The following GCSAM variants were observed in gnomAD, a reference collection of about 807,000 sequenced individuals.
GCSAM encodes the protein germinal center associated signaling and motility.
GCSAM carries 8 observed loss-of-function variants against 17.6 expected under a neutral mutation model. That is an observed-to-expected ratio of 0.46 (90% CI 0.27 to 0.82). The LOEUF (loss-of-function observed/expected upper bound fraction) is 0.82, where lower values mean the gene tolerates loss of function less well. Ranked by LOEUF, GCSAM falls within the 40% of genes least tolerant of loss-of-function variation. GCSAM has a pLI of 0.15. For synonymous variants in GCSAM, 68 were observed against 69.0 expected (o/e 0.98, Z 0.07); for missense variants, 192 against 213.5 (o/e 0.90, Z 0.63).
Position 112,133,142 on chromosome 3 carries a change from T to A in GCSAM, c.-22A>T. The stretch of plus-strand genomic sequence containing the variant: ...CCATCCTCTCAGTCCTCTCAGGGCT[T>A]CCCCTCCGTCCCTTTACCACTTCCT... On this transcript the variant is annotated 5_prime_UTR_variant, in exon 1 of 6. Coordinates refer to ENST00000308910, the MANE Select transcript of GCSAM (RefSeq NM_152785.5). The A allele has an allele frequency of 6.2e-7, 1 of 1,613,590 alleles. No individual in the cohort carries two copies. Among genetic ancestry groups the A allele is most frequent in the South Asian group, 1.1e-5 (1 of 91,072 alleles).
chr3:112,130,074 C>G (rs977269931), intron 2 of GCSAM: 55 of 202,616 alleles, frequency 2.7e-4, no homozygotes, highest in Admixed American at 2.6e-3. Flanking sequence ...CATGTGGTCA[C>G]TTCAGAAATA....
At position 112,133,064 on chromosome 3, in the gene GCSAM, T is replaced by C. The variant is rs768935212; in HGVS notation, c.29+28A>G. 8.7e-6 allele frequency: 14 copies of C among 1,610,824 alleles called. No homozygotes were observed. The East Asian group carries it at 3.1e-4, about 36-fold the overall frequency. On this transcript the variant is annotated intron_variant, in intron 1 of 5. Transcript: ENST00000308910. ...CTGTATTGTCCTGTCCCATCTCCTC[T>C]GCTCTCCCACAGGGAGTCTAGACTT...
At chr3:112,125,172 G>A (rs1458249190) in intron 5 of GCSAM, 54 bp downstream of exon 5, 14 of 1,135,562 alleles carry the variant, frequency 1.2e-5, no homozygotes, top group Non-Finnish European at 1.7e-5. Context: ...GCCATTTAGG[G>A]TGTCTGTACT....
chr3:112,131,707 A>C (rs1023332746), intron 1 of GCSAM, among the ~76,000 whole-genome samples: 3 of 152,192 alleles, frequency 2.0e-5, no homozygotes, highest in African/African-American at 4.8e-5. Context: ...TTTACATCTG[A>C]CACCATATAT....
Position 112,123,630 on chromosome 3 carries a change from A to G in GCSAM, c.362T>C (p.Leu121Ser). The G allele has an allele frequency of 6.2e-7, 1 of 1,614,136 alleles. No individual in the cohort carries two copies. The highest frequency in any genetic ancestry group is 8.5e-7 in the Non-Finnish European group (1 of 1,180,014). ...PCKAERPRES[L>S]GGTETEYSLL... ...TGAATACTCAGTCTCAGTTCCTCCCAAGGACTCTCTGGGTCTCTCAGCTTT... is the reference window on the plus strand; with the variant it reads ...TGAATACTCAGTCTCAGTTCCTCCCGAGGACTCTCTGGGTCTCTCAGCTTT... Residue 121 changes from leucine to serine, a missense_variant, in exon 6 of 6, where the codon TTG (leucine) becomes TCG (serine). Transcript: ENST00000308910.
chr3:112,131,854 A>C (rs2074460830), intron 1 of GCSAM, among the ~76,000 whole-genome samples: 1 of 152,328 alleles, frequency 6.6e-6, no homozygotes, highest in Admixed American at 6.5e-5. Context: ...TTAAAATCGA[A>C]TTTTCTTTAA....
chr3:112,131,234 C>T (rs1309717868), intron 1 of GCSAM, among the ~76,000 whole-genome samples: 2 of 152,082 alleles, frequency 1.3e-5, no homozygotes, highest in Non-Finnish European at 1.5e-5. Context: ...TCTGAGGATC[C>T]ACAGCCACTA....
At chr3:112,128,148 G>A (rs761649905) in intron 2 of GCSAM, 87 bp from the exon 3 acceptor site, 2 of 1,288,372 alleles carry the variant, frequency 1.6e-6, no homozygotes, top group Non-Finnish European at 2.3e-6. Context: ...CATTTCTGTG[G>A]AAAACTTTTT....
At chr3:112,130,584 T>C in intron 1 of GCSAM, 71 bp from the exon 2 acceptor site, 3 of 1,356,088 alleles carry the variant, frequency 2.2e-6, no homozygotes, top group Non-Finnish European at 2.1e-6. Context: ...TCATAATTTT[T>C]CCGACTTTCC....
At chr3:112,131,249 G>C (rs942713551) in intron 1 of GCSAM, among the ~76,000 whole-genome samples, 1 of 152,144 alleles carries the variant, frequency 6.6e-6, no homozygotes, top group African/African-American at 2.4e-5. Flanking sequence ...CCACTAAGGG[G>C]GAAAAGCTGG....
rs1447722394 is a variant in GCSAM at position 112,121,745 on chromosome 3, A to G, written c.*1710T>C. 1 of 152,258 alleles carries G rather than the reference A, an allele frequency of 6.6e-6. No homozygotes were observed. The highest frequency in any genetic ancestry group is 2.4e-5 in the African/African-American group (1 of 41,476). 9.4% of individuals were successfully genotyped at this position (152,258 alleles called of 1,614,324 possible). ...GCAGCTGGCTCTTTAGCTGAAGACC[A>G]TCACCTGGCTGAAGGCTCCACAAAC... On this transcript the variant is annotated 3_prime_UTR_variant, in exon 6 of 6. Coordinates refer to ENST00000308910, the MANE Select transcript of GCSAM (RefSeq NM_152785.5).
At chr3:112,124,700 AT>A (rs2107801261) in intron 5 of GCSAM, among the ~76,000 whole-genome samples, 1 of 152,344 alleles carries the variant, frequency 6.6e-6, no homozygotes, top group East Asian at 1.9e-4. Flanking sequence ...TATTTATGTT[AT>A]TAAATAGGGA....
rs74831119 is a variant in GCSAM at position 112,126,994 on chromosome 3, T to G, written c.183A>C (p.Gln61His). The change falls in exon 4 of 6, where the codon CAA becomes CAC. Residue 61 changes from glutamine to histidine, a missense_variant. Gln to His is a conservative substitution (Grantham distance 24, BLOSUM62 0). Coordinates refer to ENST00000308910, the MANE Select transcript of GCSAM (RefSeq NM_152785.5). ...AGGAAATCAATGACTTACTTTCGTT[T>G]TGGGAATCTTGCCTCTTTTCAAAAA... ...ILIFEKRQDS[Q>H]NENERMSSTP... 983 of 1,587,812 alleles carry G rather than the reference T, an allele frequency of 6.2e-4. 11 individuals carry two copies. The East Asian group carries it at 0.019, about 31-fold the overall frequency.
intron 4 of GCSAM, among the ~76,000 whole-genome samples, chr3:112,126,437 A>G (rs2074319444): frequency 6.6e-6 from 1 of 152,146 alleles, no homozygotes; most frequent in Admixed American, 6.5e-5. Context: ...CCTTAACTTC[A>G]GTGCTATTCT....
Position 112,130,516 on chromosome 3 carries a change from G to A in GCSAM, c.30-3C>T, listed in dbSNP as rs764259913. 1 of 1,613,354 alleles carries A rather than the reference G, an allele frequency of 6.2e-7. No individual in the cohort carries two copies. Among genetic ancestry groups the A allele is most frequent in the Non-Finnish European group, 8.5e-7 (1 of 1,179,350 alleles). The stretch of plus-strand genomic sequence containing the variant: ...TCTCTTGAGTGTTCTGCTGCCGCCT[G>A]AAACTCAACATATCAGAAACAGGCT... On this transcript the variant is annotated splice_polypyrimidine_tract_variant and splice_region_variant and intron_variant, in intron 1 of 5. Coordinates refer to ENST00000308910, the MANE Select transcript of GCSAM (RefSeq NM_152785.5).
chr3:112,123,114 A>G lies in GCSAM; in HGVS notation c.*341T>C, dbSNP rs2074231033. The G allele has an allele frequency of 3.6e-6, 1 of 275,948 alleles. No individual in the cohort carries two copies. The highest frequency in any genetic ancestry group is 6.9e-6 in the Non-Finnish European group (1 of 145,392). 17.1% of individuals were successfully genotyped at this position (275,948 alleles called of 1,614,324 possible). ...GACTTTAGAGAATGATCATGGGAAC[A>G]CTTTATAAGAAGATCCCAGACAGAA... On this transcript the variant is annotated 3_prime_UTR_variant, in exon 6 of 6. Coordinates refer to ENST00000308910, the MANE Select transcript of GCSAM (RefSeq NM_152785.5).
rs942997634 is a variant in GCSAM at position 112,130,116 on chromosome 3, G to A, written c.98+329C>T. 11 of 281,844 alleles carry A rather than the reference G, an allele frequency of 3.9e-5. No individual in the cohort carries two copies. The Admixed American group carries it at 4.9e-4, about 13-fold the overall frequency. 17.5% of individuals were successfully genotyped at this position (281,844 alleles called of 1,614,324 possible). A position where few individuals can be genotyped will look rare whatever the true frequency, so the allele number is the denominator to read the frequency against. ...TATAGCTTAAAATAAAATGGCTAGG[G>A]TGGAGGTTGAGCACAAAGGTACCTG... On this transcript the variant is annotated intron_variant, in intron 2 of 5. Coordinates refer to ENST00000308910, the MANE Select transcript of GCSAM (RefSeq NM_152785.5).
At chr3:112,130,122 G>A in intron 2 of GCSAM, 1 of 291,148 alleles carries the variant, frequency 3.4e-6, no homozygotes, top group Non-Finnish European at 6.6e-6. Flanking sequence ...TAGGGTGGAG[G>A]TTGAGCACAA....
intron 1 of GCSAM, among the ~76,000 whole-genome samples, chr3:112,131,575 C>T (rs542334741): frequency 6.6e-6 from 1 of 152,296 alleles, no homozygotes; most frequent in South Asian, 2.1e-4. Context: ...AATCCTCCTG[C>T]CTCAGCCTCC....
Sources: gnomAD v4.1 joint callset for allele counts (sites outside exome capture counted in the v4.1 genomes callset) on GRCh38, gnomAD v4.1.1 for gene constraint, MANE v1.5 for transcripts, NCBI Gene and HGNC (gene_info 2026-07-23, HGNC 2026-07-21) for gene names.